Variants in SHISA6 observed in about 807,000 individuals in gnomAD.
SHISA6 encodes the protein protein shisa-6.
Under a neutral mutation model 47.9 loss-of-function variants are expected in SHISA6, and 22 were observed. That is an observed-to-expected ratio of 0.46 (90% confidence interval 0.33 to 0.66). SHISA6 has a LOEUF of 0.66. Among genes scored for constraint, SHISA6 ranks in the 30% least tolerant of loss-of-function variants. The pLI is 0.02. For missense variants in SHISA6, 680 were observed against 764.6 expected (o/e 0.89, Z 1.30); for synonymous variants, 388 against 337.8 (o/e 1.15, Z -1.63).
intron 3 of SHISA6, among the ~76,000 whole-genome samples, chr17:11,515,256 AAAG>A (rs1402190934): frequency 6.7e-6 from 1 of 149,494 alleles, no homozygotes; most frequent in East Asian, 1.9e-4. Context: ...AAAAAAAAAA[AAAG>A]AAAAAAGAAA....
Position 11,526,110 on chromosome 17 carries a change from A to ACCCC in SHISA6, c.896-25780_896-25777dup, listed in dbSNP as rs11393269. 5.6e-3 allele frequency among the ~76,000 whole-genome samples: 823 copies of ACCCC among 146,862 alleles called. 15 individuals carry two copies. Among genetic ancestry groups the ACCCC allele is most frequent in the African/African-American group, 0.016 (639 of 39,842 alleles). Reference sequence around the variant, plus strand: ...ATGGTGGCATGACCCTACCAAGGGGACCCCCCCCCGCTCTCTGCTGATTTG... The same window carrying ACCCC: ...ATGGTGGCATGACCCTACCAAGGGGACCCCCCCCCCCCCGCTCTCTGCTGATTTG... On this transcript the variant is annotated intron_variant, in intron 3 of 5. Coordinates refer to ENST00000441885, the MANE Select transcript of SHISA6 (RefSeq NM_207386.4).
intron 3 of SHISA6, among the ~76,000 whole-genome samples, chr17:11,414,593 C>T (rs1012169640): frequency 1.1e-4 from 17 of 152,108 alleles, no homozygotes; most frequent in African/African-American, 3.9e-4. Flanking sequence ...TCCTCAAAAA[C>T]ACACTCTGTG....
intron 2 of SHISA6, among the ~76,000 whole-genome samples, chr17:11,310,785 C>G (rs112658562): frequency 2.1e-3 from 322 of 150,744 alleles, no homozygotes; most frequent in Non-Finnish European, 3.5e-3. Flanking sequence ...CCAACCTGAC[C>G]GACATGGTGA....
intron 1 of SHISA6, among the ~76,000 whole-genome samples, chr17:11,251,180 C>A (rs1907788035): frequency 2.0e-5 from 3 of 152,016 alleles, no homozygotes; most frequent in Non-Finnish European, 4.4e-5. Flanking sequence ...CTTAAGAAAG[C>A]AAAGACCTAC....
At chr17:11,362,798 T>A (rs1202786234) in intron 2 of SHISA6, among the ~76,000 whole-genome samples, 2 of 152,200 alleles carry the variant, frequency 1.3e-5, no homozygotes, top group African/African-American at 2.4e-5. Flanking sequence ...ATATTTGCCC[T>A]CCCTTTGGAT....
At chr17:11,364,995 G>A (rs1912397080) in intron 2 of SHISA6, among the ~76,000 whole-genome samples, 1 of 152,164 alleles carries the variant, frequency 6.6e-6, no homozygotes, top group South Asian at 2.1e-4. Context: ...CATGAGGTAA[G>A]TGAAGGGGAA....
intron 3 of SHISA6, among the ~76,000 whole-genome samples, chr17:11,525,431 G>A (rs2071667482): frequency 6.6e-6 from 1 of 151,728 alleles, no homozygotes; most frequent in Non-Finnish European, 1.5e-5. Flanking sequence ...TCAAGAGATT[G>A]AGACCATCCT....
intron 2 of SHISA6, among the ~76,000 whole-genome samples, chr17:11,347,562 G>A (rs147936127): frequency 1.3e-5 from 2 of 152,280 alleles, no homozygotes; most frequent in Admixed American, 6.5e-5. Flanking sequence ...GCATCTCACA[G>A]ATGAGGAAAC....
At chr17:11,423,302 ATC>A (rs1914507624) in intron 3 of SHISA6, among the ~76,000 whole-genome samples, 2 of 147,644 alleles carry the variant, frequency 1.4e-5, no homozygotes, top group African/African-American at 5.0e-5. Flanking sequence ...TGTAACATAT[ATC>A]TATATATGCC....
At chr17:11,544,791 T>C (rs565520867) in intron 3 of SHISA6, among the ~76,000 whole-genome samples, 1 of 151,962 alleles carries the variant, frequency 6.6e-6, no homozygotes, top group African/African-American at 2.4e-5. Flanking sequence ...AAACCCCGTC[T>C]CTACTAAAAA....
chr17:11,327,905 TTCTCTC>T (rs143614162), intron 2 of SHISA6, among the ~76,000 whole-genome samples: 2 of 151,232 alleles, frequency 1.3e-5, no homozygotes, highest in Non-Finnish European at 3.0e-5. Flanking sequence ...CAGAAGCATT[TTCTCTC>T]TCTCTCTCTG....
intron 1 of SHISA6, among the ~76,000 whole-genome samples, chr17:11,249,624 C>A (rs544395346): frequency 6.6e-6 from 1 of 152,284 alleles, no homozygotes; most frequent in East Asian, 1.9e-4. Context: ...CCTTGGGAGG[C>A]CGCATGCTGA....
intron 3 of SHISA6, among the ~76,000 whole-genome samples, chr17:11,438,547 C>T (rs1368455699): frequency 6.6e-6 from 1 of 152,078 alleles, no homozygotes; most frequent in Non-Finnish European, 1.5e-5. Flanking sequence ...TGCTGGGAGG[C>T]AGATAGAGAG....
intron 2 of SHISA6, among the ~76,000 whole-genome samples, chr17:11,283,918 G>T (rs1045935761): frequency 6.6e-6 from 1 of 152,148 alleles, no homozygotes; most frequent in African/African-American, 2.4e-5. Flanking sequence ...TGTGCTTTGC[G>T]CTTCAGACTT....
intron 3 of SHISA6, among the ~76,000 whole-genome samples, chr17:11,533,463 A>T (rs565467177): frequency 6.6e-6 from 1 of 151,636 alleles, no homozygotes; most frequent in African/African-American, 2.4e-5. Context: ...CTCACGTTTT[A>T]TTCTTGGCCT....
chr17:11,397,528 T>C (rs1192358125), intron 3 of SHISA6, among the ~76,000 whole-genome samples: 1 of 152,114 alleles, frequency 6.6e-6, no homozygotes, highest in Non-Finnish European at 1.5e-5. Flanking sequence ...GGCTTGTGGA[T>C]GCATAATTCC....
At chr17:11,360,212 G>A (rs777754375) in intron 2 of SHISA6, among the ~76,000 whole-genome samples, 41 of 152,206 alleles carry the variant, frequency 2.7e-4, no homozygotes, top group African/African-American at 7.9e-4. Flanking sequence ...AAACTAATAC[G>A]GGAACAGAAA....
intron 3 of SHISA6, among the ~76,000 whole-genome samples, chr17:11,496,763 G>T (rs1033385878): frequency 2.9e-5 from 4 of 138,052 alleles, no homozygotes; most frequent in Non-Finnish European, 4.7e-5. Flanking sequence ...AAAAAAAAAA[G>T]AATGGGATAG....
chr17:11,312,985 AC>A (rs1910388015), intron 2 of SHISA6, among the ~76,000 whole-genome samples: 1 of 152,228 alleles, frequency 6.6e-6, no homozygotes, highest in Admixed American at 6.5e-5. Flanking sequence ...TTTGATTTGT[AC>A]CATTTGCCAA....
Sources: gnomAD v4.1 joint callset for allele counts (sites outside exome capture counted in the v4.1 genomes callset) on GRCh38, gnomAD v4.1.1 for gene constraint, MANE v1.5 for transcripts, NCBI Gene and HGNC (gene_info 2026-07-23, HGNC 2026-07-21) for gene names.